Variants in INO80 observed in about 807,000 individuals in gnomAD.
INO80 encodes chromatin-remodeling ATPase INO80.
INO80 carries 20 observed loss-of-function variants against 203.4 expected under a neutral mutation model. The ratio of observed to expected loss-of-function variants is 0.10; its 90% CI spans 0.07 to 0.14. The LOEUF (loss-of-function observed/expected upper bound fraction) is 0.14, where lower values mean the gene tolerates loss of function less well. Among genes scored for constraint, INO80 ranks in the 10% least tolerant of loss-of-function variants. The pLI, the probability that INO80 is intolerant of heterozygous loss-of-function variation, is 1.00. For missense variants in INO80, 1,419 were observed against 1,914.4 expected (o/e 0.74, Z 4.83); for synonymous variants, 726 against 685.2 (o/e 1.06, Z -0.93).
At chr15:40,990,093 T>TA (rs2043796299) in intron 29 of INO80, among the ~76,000 whole-genome samples, 1 of 152,018 alleles carries the variant, frequency 6.6e-6, no homozygotes, top group South Asian at 2.1e-4. Flanking sequence ...CTAGTATGCA[T>TA]ATATCTCTCA....
At chr15:41,077,724 C>T (rs1022471334) in intron 9 of INO80, among the ~76,000 whole-genome samples, 1 of 140,196 alleles carries the variant, frequency 7.1e-6, no homozygotes, top group Non-Finnish European at 1.5e-5. Flanking sequence ...CTACACCTGT[C>T]TAATTTTTCT....
intron 7 of INO80, among the ~76,000 whole-genome samples, chr15:41,084,197 TA>T (rs781522112): frequency 0.076 from 10,017 of 131,866 alleles, 858 homozygotes; most frequent in African/African-American, 0.21. Context: ...GCAACTTCTT[TA>T]AAAAAAAAAA....
intron 1 of INO80, among the ~76,000 whole-genome samples, chr15:41,115,324 T>C (rs2046015698): frequency 6.6e-6 from 1 of 152,222 alleles, no homozygotes; most frequent in African/African-American, 2.4e-5. Flanking sequence ...GAAGTAGTAC[T>C]TTCCATTAGC....
At chr15:41,072,791 T>TC (rs1351989745) in intron 11 of INO80, among the ~76,000 whole-genome samples, 1 of 151,704 alleles carries the variant, frequency 6.6e-6, no homozygotes, top group Non-Finnish European at 1.5e-5. Context: ...CTTTTTCTTT[T>TC]TTTTTTTGAG....
chr15:41,020,834 T>C, intron 26 of INO80, 66 bp downstream of exon 26: 1 of 991,814 alleles, frequency 1.0e-6, no homozygotes, highest in South Asian at 1.5e-5. Context: ...AAGGACCACA[T>C]GAAGATAACC....
rs190548479 is a variant in INO80 at position 40,992,788 on chromosome 15, C to G, written c.3570+4741G>C. Among the ~76,000 whole-genome samples the G allele has an allele frequency of 3.7e-4, 57 of 152,192 alleles. 2 individuals carry two copies. Among genetic ancestry groups the G allele is most frequent in the African/African-American group, 1.3e-3 (54 of 41,554 alleles). ...TTCAGAATTCAGAAATCAGAGTATTCAGAGCCTTTCTCTTTTTTTCTTGAG... is the reference window on the plus strand; with the variant it reads ...TTCAGAATTCAGAAATCAGAGTATTGAGAGCCTTTCTCTTTTTTTCTTGAG... On this transcript the variant is annotated intron_variant, in intron 29 of 35. Transcript: ENST00000648947.
chr15:40,995,016 C>T (rs8031345), intron 29 of INO80, among the ~76,000 whole-genome samples: 11,198 of 152,170 alleles, frequency 0.074, 1,188 homozygotes, highest in African/African-American at 0.24. Context: ...CCAGCACATA[C>T]GGCTAATTTT....
chr15:41,086,055 G>T (rs916715402), intron 6 of INO80, among the ~76,000 whole-genome samples: 6 of 152,098 alleles, frequency 3.9e-5, no homozygotes, highest in African/African-American at 1.4e-4. Context: ...GGATGTGTCT[G>T]AGGTATCACA....
At chr15:41,005,184 G>A (rs1234535780) in intron 28 of INO80, 2 of 113,096 alleles carry the variant, frequency 1.8e-5, no homozygotes, top group Admixed American at 2.8e-4. Flanking sequence ...GACAGGGAGA[G>A]ACTGTCTCAC....
chr15:41,079,612 G>T (rs572877039), intron 9 of INO80, 89 bp downstream of exon 9: 16 of 1,089,770 alleles, frequency 1.5e-5, no homozygotes, highest in African/African-American at 9.4e-5. Context: ...CAGTGTCATT[G>T]GTTAGATGTA....
In INO80 at chr15:41,071,941, C is replaced by A; in HGVS notation, c.1513G>T (p.Gly505Cys). ...ATTGTGGGCTGTGGAATATCCTCAC[C>A]AGCCCGGATAGATGGGTTAGCCAGG... ...YSLANPSIRA[G>C]EDIPQPTIFN... Residue 505 changes from glycine to cysteine, a missense_variant, in exon 12 of 36, where the codon GGT becomes TGT. Physicochemically the swap from Gly to Cys is radical, Grantham distance 159. Around this residue, in one of 9 missense-constraint regions of INO80, gnomAD observed 192 missense variants for 406.7 expected, o/e 0.47. Transcript: ENST00000648947. 6.2e-7 allele frequency: 1 copy of A among 1,613,976 alleles called. No homozygotes were observed.
At chr15:41,052,031 AG>A (rs1403206508) in intron 19 of INO80, among the ~76,000 whole-genome samples, 1 of 152,072 alleles carries the variant, frequency 6.6e-6, no homozygotes, top group African/African-American at 2.4e-5. Context: ...ACCATCTACT[AG>A]GGAGGCTGAG....
At chr15:41,066,753 T>C (rs1005256527) in intron 14 of INO80, among the ~76,000 whole-genome samples, 2 of 135,042 alleles carry the variant, frequency 1.5e-5, no homozygotes, top group African/African-American at 5.6e-5. Flanking sequence ...TGGCTTGAGG[T>C]GGAGTTCAGG....
chr15:41,075,923 A>C (rs774555062), intron 9 of INO80, among the ~76,000 whole-genome samples: 2 of 152,134 alleles, frequency 1.3e-5, no homozygotes, highest in Non-Finnish European at 2.9e-5. Flanking sequence ...AACTCTTACC[A>C]CCAAAAGTCA....
chr15:41,008,748 A>G (rs1178670506), intron 27 of INO80, among the ~76,000 whole-genome samples: 1 of 152,216 alleles, frequency 6.6e-6, no homozygotes, highest in Non-Finnish European at 1.5e-5. Context: ...ATGGCCCTCA[A>G]ATGGGCAGCA....
At chr15:41,046,724 TCTC>T (rs1355347853) in intron 23 of INO80, among the ~76,000 whole-genome samples, 2 of 151,344 alleles carry the variant, frequency 1.3e-5, no homozygotes, top group African/African-American at 2.4e-5. Flanking sequence ...TTCAAGCAAT[TCTC>T]CTGCCTCGGC....
intron 12 of INO80, among the ~76,000 whole-genome samples, 183 bp from the exon 13 acceptor site, chr15:41,070,730 T>G (rs1449732908): frequency 2.0e-5 from 3 of 152,222 alleles, no homozygotes; most frequent in Non-Finnish European, 4.4e-5. Context: ...GCTACAACTA[T>G]GAACCATGAT....
At chr15:41,048,149 A>G (rs2044800714) in intron 22 of INO80, 63 bp downstream of exon 22, 4 of 1,289,864 alleles carry the variant, frequency 3.1e-6, no homozygotes, top group Middle Eastern at 1.9e-4. Context: ...GTCTCTCAGC[A>G]AAACAAAGAG....
At chr15:41,062,678 C>T (rs2045133727) in intron 14 of INO80, among the ~76,000 whole-genome samples, 1 of 152,114 alleles carries the variant, frequency 6.6e-6, no homozygotes, top group Non-Finnish European at 1.5e-5. Context: ...GTCATGGGGG[C>T]TTTGCCCTCA....
Sources: allele counts gnomAD v4.1 joint callset (sites outside exome capture counted in the v4.1 genomes callset), GRCh38; gene constraint gnomAD v4.1.1; regional missense constraint gnomAD v4.1.1; transcripts MANE v1.5; gene names NCBI Gene and HGNC (gene_info 2026-07-23, HGNC 2026-07-21).